Variants in PRSS37 observed in about 807,000 individuals in gnomAD.
PRSS37 encodes the protein probable inactive serine protease 37.
Under a neutral mutation model 28.0 loss-of-function variants are expected in PRSS37, and 25 were observed. That is an observed-to-expected ratio of 0.89 (90% CI 0.65 to 1.25). The LOEUF (loss-of-function observed/expected upper bound fraction) is 1.25. Among genes scored for constraint, PRSS37 ranks in the 50% most tolerant of loss-of-function variants. The pLI is 0.00. For missense variants in PRSS37, 282 were observed against 292.2 expected (o/e 0.97, Z 0.25); for synonymous variants, 109 against 107.8 (o/e 1.01, Z -0.07).
chr7:141,838,513 T>A, intron 2 of PRSS37: 1 of 1,031,966 alleles, frequency 9.7e-7, no homozygotes, highest in Non-Finnish European at 1.2e-6. Context: ...GCTGATGCAC[T>A]AACAGTCCTA....
rs781649348 is a variant in PRSS37, at chr7:141,837,259, C to T, written c.431-11G>A. The stretch of plus-strand genomic sequence containing the variant: ...AGTCAGGGTGTCGGCCTGAGGGAGA[C>T]GGGGATAAAATAAAACATCCTGTTG... On this transcript the variant is annotated splice_polypyrimidine_tract_variant and intron_variant, in intron 3 of 4. Coordinates refer to ENST00000350549, the MANE Select transcript of PRSS37 (RefSeq NM_001008270.3). 15 of 1,582,998 alleles carry T rather than the reference C, an allele frequency of 9.5e-6. No individual in the cohort carries two copies. Among genetic ancestry groups the T allele is most frequent in the Admixed American group, 7.8e-5 (4 of 51,374 alleles).
Position 141,837,204 on chromosome 7 carries a change from A to C in PRSS37, c.475T>G (p.Ser159Ala), listed in dbSNP as rs1312741339. The C allele has an allele frequency of 2.5e-6, 4 of 1,612,558 alleles. No individual in the cohort carries two copies. Among genetic ancestry groups the C allele is most frequent in the Non-Finnish European group, 2.5e-6 (3 of 1,179,484 alleles). ...TCTGTTTTTTGGCATTCTCGATCAG[A>C]CATCACGGGGGCCTCCAGGTTCTGC... ...LRQNLEAPVM[S>A]DRECQKTEQG... The change falls in exon 4 of 5, where the codon TCT (serine) becomes GCT (alanine). Residue 159 changes from serine to alanine, a missense_variant. Coordinates refer to ENST00000350549, the MANE Select transcript of PRSS37 (RefSeq NM_001008270.3).
intron 3 of PRSS37, chr7:141,837,557 A>G (rs1801002501): frequency 6.7e-7 from 1 of 1,500,806 alleles, no homozygotes; most frequent in African/African-American, 1.4e-5. Flanking sequence ...AAGTAGGACC[A>G]CACCTTGTTC....
chr7:141,837,846 G>A lies in PRSS37; in HGVS notation c.430+14C>T, dbSNP rs995846089. 2.5e-6 allele frequency: 4 copies of A among 1,602,716 alleles called. No homozygotes were observed. In the African/African-American group the frequency reaches 5.4e-5, roughly 21 times the overall value. ...CAACTGATGACCCTGATTTGCTGTG[G>A]AAGGCACACTTACCACTGTTTTCTT... is the stretch of plus-strand genomic sequence containing the variant. On this transcript the variant is annotated intron_variant, in intron 3 of 4. Coordinates refer to ENST00000350549, the MANE Select transcript of PRSS37 (RefSeq NM_001008270.3).
At chr7:141,836,296 C>A, downstream of PRSS37, 1 of 1,366,814 alleles carries the variant, frequency 7.3e-7, no homozygotes, top group Non-Finnish European at 1.0e-6. Context: ...GCTACATTCC[C>A]AAATTTTCAT....
chr7:141,841,213 G>A lies in PRSS37; in HGVS notation c.-164C>T. 6.9e-7 allele frequency: 1 copy of A among 1,443,690 alleles called. No homozygotes were observed. Among genetic ancestry groups the A allele is most frequent in the South Asian group, 1.4e-5 (1 of 72,460 alleles). The allele number at this position is 1,443,690 out of a possible 1,614,324, so 89.4% of individuals were successfully genotyped here. On this transcript the variant is annotated 5_prime_UTR_variant, in exon 1 of 5. Transcript: ENST00000350549. ...AGCAGCTCTGGGCATAAACAGGGGA[G>A]GGAGATGGCTTCAGAGAGACAGATG...
Position 141,838,681 on chromosome 7 carries a change from C to T in PRSS37, c.177-568G>A, listed in dbSNP as rs181840041. The T allele has an allele frequency of 8.3e-4, 207 of 249,730 alleles. 1 individual carries two copies. Among genetic ancestry groups the T allele is most frequent in the African/African-American group, 4.6e-3 (200 of 43,824 alleles). 15.5% of individuals were successfully genotyped at this position (249,730 alleles called of 1,614,324 possible). ...AGTACTTATCCTCCCAGGTCCCTCCCTGCAGTTTTGTCACAGAGTGGCTGT... is the reference window on the plus strand; with the variant it reads ...AGTACTTATCCTCCCAGGTCCCTCCTTGCAGTTTTGTCACAGAGTGGCTGT... On this transcript the variant is annotated intron_variant, in intron 2 of 4. Coordinates refer to ENST00000350549, the MANE Select transcript of PRSS37 (RefSeq NM_001008270.3).
chr7:141,837,349 T>C, intron 3 of PRSS37, 101 bp from the exon 4 acceptor site: 1 of 1,399,618 alleles, frequency 7.1e-7, no homozygotes, highest in Non-Finnish European at 9.7e-7. Context: ...TTTGTGTGTG[T>C]TTAAAGAAAA....
chr7:141,840,758 T>G (rs1189294800), intron 1 of PRSS37, among the ~76,000 whole-genome samples: 1 of 152,152 alleles, frequency 6.6e-6, no homozygotes. Flanking sequence ...TCTGCATTAG[T>G]GTCGGTGGGA....
chr7:141,839,783 A>C (rs1801097363), intron 1 of PRSS37, among the ~76,000 whole-genome samples: 1 of 152,146 alleles, frequency 6.6e-6, no homozygotes, highest in African/African-American at 2.4e-5. Context: ...AGGCATCAAG[A>C]ATCATAAATT....
chr7:141,839,313 G>A (rs746180818), intron 2 of PRSS37, 25 bp downstream of exon 2: 2 of 1,612,052 alleles, frequency 1.2e-6, no homozygotes, highest in Non-Finnish European at 1.7e-6. Context: ...GCTGTTTTGG[G>A]GATGGGGATG....
chr7:141,840,062 A>G (rs982553600), intron 1 of PRSS37, among the ~76,000 whole-genome samples: 1 of 152,218 alleles, frequency 6.6e-6, no homozygotes, highest in East Asian at 1.9e-4. Flanking sequence ...AAAATTGTGG[A>G]TATAATCTAT....
At position 141,837,890 on chromosome 7, in the gene PRSS37, A is replaced by C. The variant is rs980191733; in HGVS notation, c.400T>G (p.Ser134Ala). ...NVRPGTVCLLSGLDWSQENSG... is the reference protein window; with the variant it reads ...NVRPGTVCLLAGLDWSQENSG... ...TTTTCTTGGCTCCAGTCCAAACCTG[A>C]GAGTAGACAGACAGTGCCTGGCCTG... Residue 134 changes from serine to alanine, a missense_variant, in exon 3 of 5, where the codon TCA becomes GCA. Transcript: ENST00000350549. 1 of 1,613,610 alleles carries C rather than the reference A, an allele frequency of 6.2e-7. No individual in the cohort carries two copies. Among genetic ancestry groups the C allele is most frequent in the Non-Finnish European group, 8.5e-7 (1 of 1,179,664 alleles).
In PRSS37 at chr7:141,836,429, A is replaced by G. The variant is rs183692466; in HGVS notation, c.674T>C (p.Val225Ala). Residue 225 changes from valine to alanine, a missense_variant, in exon 5 of 5, where the codon GTA becomes GCA. By Grantham distance (64) the Val-to-Ala change is moderately conservative. Transcript: ENST00000350549. The stretch of plus-strand genomic sequence containing the variant: ...CTTAGCAGTGTTCTCAATCCAGGAT[A>G]CATATTTGTAAACATTGGTGTAGAT... ...VGIYTNVYKY[V>A]SWIENTAKDK 2 of 1,614,190 alleles carry G rather than the reference A, an allele frequency of 1.2e-6. No individual in the cohort carries two copies. The highest frequency in any genetic ancestry group is 3.3e-5 in the Admixed American group (2 of 60,018).
At chr7:141,840,869 G>T (rs1801128751) in intron 1 of PRSS37, 147 bp downstream of exon 1, 3 of 761,808 alleles carry the variant, frequency 3.9e-6, no homozygotes, top group Non-Finnish European at 6.5e-6. Context: ...GAGAGCCTTT[G>T]GATGGAGTCT....
chr7:141,839,599 C>T (rs1464949999), intron 1 of PRSS37, 120 bp from the exon 2 acceptor site: 37 of 681,366 alleles, frequency 5.4e-5, no homozygotes, highest in Non-Finnish European at 6.7e-5. Flanking sequence ...GAAGTGTTAA[C>T]GTATTTGACA....
At chr7:141,840,683 T>A (rs557044370) in intron 1 of PRSS37, among the ~76,000 whole-genome samples, 1 of 152,132 alleles carries the variant, frequency 6.6e-6, no homozygotes, top group African/African-American at 2.4e-5. Flanking sequence ...AAGAACCCCA[T>A]GTGGGGCAAG....
Position 141,837,266 on chromosome 7 carries a change from A to G in PRSS37, c.431-18T>C, listed in dbSNP as rs780099870. On this transcript the variant is annotated intron_variant, in intron 3 of 4. Transcript: ENST00000350549. ...GTGTCGGCCTGAGGGAGACGGGGATAAAATAAAACATCCTGTTGACAGTGG... is the reference window on the plus strand; with the variant it reads ...GTGTCGGCCTGAGGGAGACGGGGATGAAATAAAACATCCTGTTGACAGTGG... 1 of 1,579,592 alleles carries G rather than the reference A, an allele frequency of 6.3e-7. No homozygotes were observed. Among genetic ancestry groups the G allele is most frequent in the East Asian group, 2.3e-5 (1 of 44,322 alleles).
intron 1 of PRSS37, among the ~76,000 whole-genome samples, chr7:141,840,163 G>A (rs913601719): frequency 6.6e-6 from 1 of 152,192 alleles, no homozygotes; most frequent in African/African-American, 2.4e-5. Flanking sequence ...TGTTGACTAA[G>A]AGGTGGGATT....
Sources: allele counts gnomAD v4.1 joint callset (sites outside exome capture counted in the v4.1 genomes callset), GRCh38; gene constraint gnomAD v4.1.1; transcripts MANE v1.5; gene names NCBI Gene and HGNC (gene_info 2026-07-23, HGNC 2026-07-21).